TYR: variants seen among roughly 807,000 people sequenced by gnomAD.
TYR encodes LB24-AB.
In TYR, 58 loss-of-function variants were observed where a neutral mutation model predicts 51.5. That is an observed-to-expected ratio of 1.13 (90% CI 0.91 to 1.40). TYR has a LOEUF of 1.40. TYR is among the 40% of genes most tolerant of loss of function. The pLI is 0.00. For missense variants in TYR, 732 were observed against 647.4 expected (o/e 1.13, Z -1.42); for synonymous variants, 263 against 235.2 (o/e 1.12, Z -1.08).
intron 2 of TYR, among the ~76,000 whole-genome samples, chr11:89,209,005 C>T (rs768030738): frequency 2.0e-5 from 3 of 152,194 alleles, no homozygotes; most frequent in Non-Finnish European, 4.4e-5. Context: ...CTCTGGTCTA[C>T]ATCTCCCAGG....
At chr11:89,195,186 C>T (rs12419364) in intron 2 of TYR, among the ~76,000 whole-genome samples, 24,481 of 152,120 alleles carry the variant, frequency 0.16, 2,401 homozygotes, top group African/African-American at 0.28. Context: ...GATTATACCT[C>T]AAAGTTATTG....
At position 89,284,969 on chromosome 11, in the gene TYR, C is replaced by T. The variant is rs2135324481; in HGVS notation, c.1366+15C>T. Reference sequence around the variant, plus strand: ...ACAAGATTCAGGTAAAGTTTACTTTCTTTCAGAGGAATTGCTGAATCTAGT... The same window carrying T: ...ACAAGATTCAGGTAAAGTTTACTTTTTTTCAGAGGAATTGCTGAATCTAGT... On this transcript the variant is annotated intron_variant, in intron 4 of 4. Coordinates refer to ENST00000263321, the MANE Select transcript of TYR (RefSeq NM_000372.5). 6.2e-7 allele frequency: 1 copy of T among 1,606,920 alleles called. No individual in the cohort carries two copies. The highest frequency in any genetic ancestry group is 1.3e-5 in the African/African-American group (1 of 74,740).
intron 3 of TYR, among the ~76,000 whole-genome samples, chr11:89,248,992 G>C (rs1057216335): frequency 6.6e-6 from 1 of 152,136 alleles, no homozygotes; most frequent in African/African-American, 2.4e-5. Context: ...AAGCATTAGA[G>C]AGAAGAGTGG....
rs1214974325 is a variant in TYR at position 89,178,390 on chromosome 11, G to T, written c.437G>T (p.Ser146Ile). The T allele has an allele frequency of 6.8e-6, 11 of 1,614,144 alleles. No homozygotes were observed. Among genetic ancestry groups the T allele is most frequent in the Non-Finnish European group, 6.8e-6 (8 of 1,180,036 alleles). The change falls in exon 1 of 5, where the codon AGC becomes ATC. Residue 146 changes from serine (S) to isoleucine (I), a missense_variant. By Grantham distance (142) the Ser-to-Ile change is moderately radical. Transcript: ENST00000263321. ...AYLTLAKHTI[S>I]SDYVIPIGTY... Reference sequence around the variant, plus strand: ...CTCACTTTAGCAAAGCATACCATCAGCTCAGACTATGTCATCCCCATAGGG... The same window carrying T: ...CTCACTTTAGCAAAGCATACCATCATCTCAGACTATGTCATCCCCATAGGG...
At chr11:89,275,494 G>C (rs1440426661) in intron 3 of TYR, among the ~76,000 whole-genome samples, 1 of 151,822 alleles carries the variant, frequency 6.6e-6, no homozygotes, top group Non-Finnish European at 1.5e-5. Flanking sequence ...GTTACTATTG[G>C]CAAATTCTTA....
At chr11:89,264,486 A>G (rs571659702) in intron 3 of TYR, among the ~76,000 whole-genome samples, 22 of 151,870 alleles carry the variant, frequency 1.4e-4, no homozygotes, top group Non-Finnish European at 2.9e-4. Flanking sequence ...AATTAGTTCA[A>G]CCCTTGTGGA....
At chr11:89,187,208 G>T (rs973023281) in intron 1 of TYR, among the ~76,000 whole-genome samples, 7 of 152,070 alleles carry the variant, frequency 4.6e-5, no homozygotes, top group African/African-American at 7.2e-5. Context: ...CCTACCCCCA[G>T]CCAAGGCCTC....
intron 3 of TYR, among the ~76,000 whole-genome samples, chr11:89,261,859 C>T (rs1311556968): frequency 1.3e-5 from 2 of 151,370 alleles, no homozygotes; most frequent in African/African-American, 4.9e-5. Flanking sequence ...TATTCTCCAA[C>T]CACAATGGAA....
At chr11:89,247,404 A>G (rs1944280392) in intron 3 of TYR, among the ~76,000 whole-genome samples, 1 of 152,226 alleles carries the variant, frequency 6.6e-6, no homozygotes, top group African/African-American at 2.4e-5. Context: ...GGAGTGAAAT[A>G]TTAATCTAAG....
chr11:89,292,220 A>G (rs1008221387), intron 4 of TYR, among the ~76,000 whole-genome samples: 2 of 151,970 alleles, frequency 1.3e-5, no homozygotes, highest in African/African-American at 4.8e-5. Context: ...TTCCTTCACC[A>G]TATCTTCTGG....
intron 2 of TYR, among the ~76,000 whole-genome samples, chr11:89,219,693 A>T (rs146295864): frequency 6.6e-6 from 1 of 152,188 alleles, no homozygotes; most frequent in East Asian, 1.9e-4. Flanking sequence ...AAAATTGGCC[A>T]TAAGTATGTG....
intron 4 of TYR, among the ~76,000 whole-genome samples, chr11:89,294,475 C>A (rs1944884068): frequency 1.3e-5 from 2 of 152,148 alleles, no homozygotes; most frequent in African/African-American, 2.4e-5. Context: ...GCAGGGAGTG[C>A]GTCTCTGAGG....
intron 3 of TYR, among the ~76,000 whole-genome samples, chr11:89,236,640 C>A (rs1944118817): frequency 6.6e-6 from 1 of 152,160 alleles, no homozygotes. Flanking sequence ...TCTCAAGTTG[C>A]TACCTATGAA....
rs144458836 is a variant in TYR, at chr11:89,198,754, C to CATATATATATATATATAT, written c.1036+7352_1036+7353insATATATATATATATATAT. 1.4e-3 allele frequency among the ~76,000 whole-genome samples: 210 copies of CATATATATATATATATAT among 146,380 alleles called. 3 individuals are homozygous for CATATATATATATATATAT. The highest frequency in any genetic ancestry group is 5.3e-3 in the African/African-American group (200 of 37,800). On this transcript the variant is annotated intron_variant, in intron 2 of 4. Transcript: ENST00000263321. ...TTTACTCAAAAGGTAACTTTTTTCT[C>CATATATATATATATATAT]ATATATATATATATATTTTTATACT... is the stretch of plus-strand genomic sequence containing the variant.
intron 3 of TYR, among the ~76,000 whole-genome samples, chr11:89,276,224 G>A (rs1163085641): frequency 4.6e-5 from 7 of 151,846 alleles, no homozygotes; most frequent in Admixed American, 6.6e-5. Flanking sequence ...AGAAAAAAGA[G>A]TGATTGTGAT....
chr11:89,265,703 A>G lies in TYR; in HGVS notation c.1185-19070A>G, dbSNP rs139127737. ...CCACAAATTGTTTGTTAGCAGAAGA[A>G]ATAGGAATCCTTTTCTCCATGTTAT... On this transcript the variant is annotated intron_variant, in intron 3 of 4. Coordinates refer to ENST00000263321, the MANE Select transcript of TYR (RefSeq NM_000372.5). 6.6e-5 allele frequency among the ~76,000 whole-genome samples: 10 copies of G among 152,156 alleles called. No individual in the cohort carries two copies. In the East Asian group the frequency reaches 1.7e-3, roughly 27 times the overall value.
Position 89,178,582 on chromosome 11 carries a change from G to T in TYR, c.629G>T (p.Trp210Leu). The T allele has an allele frequency of 3.1e-6, 5 of 1,613,846 alleles. No homozygotes were observed. Among genetic ancestry groups the T allele is most frequent in the Non-Finnish European group, 4.2e-6 (5 of 1,179,880 alleles). The change falls in exon 1 of 5, where the codon TGG (tryptophan) becomes TTG (leucine). Residue 210 changes from tryptophan (W) to leucine (L), a missense_variant. Trp to Leu is a moderately conservative substitution (Grantham distance 61, BLOSUM62 -2). Transcript: ENST00000263321. The stretch of plus-strand genomic sequence containing the variant: ...CATGAAGCACCAGCTTTTCTGCCTT[G>T]GCATAGACTCTTCTTGTTGCGGTGG... ...FAHEAPAFLP[W>L]HRLFLLRWEQ...
At chr11:89,245,673 A>C (rs1033676839) in intron 3 of TYR, among the ~76,000 whole-genome samples, 11 of 152,324 alleles carry the variant, frequency 7.2e-5, no homozygotes, top group East Asian at 1.9e-4. Flanking sequence ...CTGTAATCCC[A>C]GCACTTTGGG....
At chr11:89,188,824 G>A (rs1462345068) in intron 1 of TYR, among the ~76,000 whole-genome samples, 1 of 151,932 alleles carries the variant, frequency 6.6e-6, no homozygotes, top group East Asian at 1.9e-4. Context: ...AAGAGTGATT[G>A]GTGAGTTTTG....
Sources: allele counts gnomAD v4.1 joint callset (sites outside exome capture counted in the v4.1 genomes callset), GRCh38; gene constraint gnomAD v4.1.1; transcripts MANE v1.5; gene names NCBI Gene and HGNC (gene_info 2026-07-23, HGNC 2026-07-21).